NLRP8: variants seen among roughly 807,000 people sequenced by gnomAD.
NLRP8 encodes the protein NLR family pyrin domain containing 8.
In NLRP8, 86 loss-of-function variants were observed where a neutral mutation model predicts 88.7. The observed-to-expected ratio is 0.97, with a 90% CI of 0.81 to 1.16. The LOEUF is 1.16. Among genes scored for constraint, NLRP8 ranks in the 50% most tolerant of loss-of-function variants. The probability of loss-of-function intolerance (pLI) is 0.00; values close to 1 mark genes in which losing one functional copy is unlikely to be tolerated. For missense variants in NLRP8, 1,342 were observed against 1,286.5 expected, an observed-to-expected ratio of 1.04 and a Z score of -0.66; for synonymous variants, 504 against 494.6, an observed-to-expected ratio of 1.02 and a Z score of -0.25.
At chr19:55,959,559 C>T (rs1979524174) in intron 3 of NLRP8, among the ~76,000 whole-genome samples, 1 of 152,172 alleles carries the variant, frequency 6.6e-6, no homozygotes, top group Admixed American at 6.5e-5. Context: ...GATACTCACA[C>T]ATCACATCTC....
At chr19:55,970,732 T>C (rs1980040858) in intron 6 of NLRP8, 36 bp downstream of exon 6, 1 of 1,610,660 alleles carries the variant, frequency 6.2e-7, no homozygotes, top group Admixed American at 1.7e-5. Flanking sequence ...GTTGTGGTTG[T>C]GGTTGTGGTG....
At chr19:55,958,102 A>T (rs1979456608) in intron 3 of NLRP8, among the ~76,000 whole-genome samples, 2 of 152,092 alleles carry the variant, frequency 1.3e-5, no homozygotes, top group South Asian at 4.1e-4. Flanking sequence ...ACGAGCTAAA[A>T]TTTGACCCCC....
rs1491285893 is a variant in NLRP8 at position 55,988,444 on chromosome 19, G to GTGTA, written c.*532_*533insGTAT. 9.4e-6 allele frequency: 1 copy of GTGTA among 106,496 alleles called. No individual in the cohort carries two copies. Among genetic ancestry groups the GTGTA allele is most frequent in the African/African-American group, 3.8e-5 (1 of 26,494 alleles). The allele number at this position is 106,496 out of a possible 1,614,324, so 6.6% of individuals were successfully genotyped here. The stretch of plus-strand genomic sequence containing the variant: ...CACATAAATATATATATGTGTGTGT[G>GTGTA]TATATATATATATATATATATATAT... On this transcript the variant is annotated 3_prime_UTR_variant, in exon 10 of 10. Coordinates refer to ENST00000291971, the MANE Select transcript of NLRP8 (RefSeq NM_176811.2).
intron 6 of NLRP8, among the ~76,000 whole-genome samples, chr19:55,972,809 ATGTG>A (rs3055424): frequency 0.04 from 5,419 of 135,004 alleles, 197 homozygotes; most frequent in African/African-American, 0.097. Context: ...GTGTGTGTGT[ATGTG>A]TGTGTGTGTG....
At chr19:55,968,126 AT>A (rs1979922032) in intron 5 of NLRP8, among the ~76,000 whole-genome samples, 1 of 152,190 alleles carries the variant, frequency 6.6e-6, no homozygotes, top group African/African-American at 2.4e-5. Context: ...TCGTTTAATA[AT>A]TTTTTTAACC....
At chr19:55,978,463 G>T (rs1980440335) in intron 8 of NLRP8, among the ~76,000 whole-genome samples, 1 of 152,148 alleles carries the variant, frequency 6.6e-6, no homozygotes, top group African/African-American at 2.4e-5. Context: ...GGCTGCATCT[G>T]GTGAGAGCCT....
intron 3 of NLRP8, among the ~76,000 whole-genome samples, chr19:55,960,177 G>T (rs1308113631): frequency 6.6e-6 from 1 of 152,122 alleles, no homozygotes; most frequent in South Asian, 2.1e-4. Context: ...TGAGGGCACT[G>T]GCTCTGTCAG....
At chr19:55,974,971 C>T (rs900396238) in intron 7 of NLRP8, among the ~76,000 whole-genome samples, 3 of 151,960 alleles carry the variant, frequency 2.0e-5, no homozygotes, top group Admixed American at 1.3e-4. Context: ...AGTGTCTGTC[C>T]GAGATCACGG....
In NLRP8 at chr19:55,955,684, A is replaced by G. The variant is rs1161078833; in HGVS notation, c.1626A>G (p.Ile542Met). ...GCCACGTGAATATCCAGCGCCTGATAGCGAGTCCCAGAGGAAGCAAAAGCT... is the reference window on the plus strand; with the variant it reads ...GCCACGTGAATATCCAGCGCCTGATGGCGAGTCCCAGAGGAAGCAAAAGCT... The change falls in exon 3 of 10, where the codon ATA (isoleucine) becomes ATG (methionine). Residue 542 changes from isoleucine (I) to methionine (M), a missense_variant. Ile to Met is a conservative substitution (Grantham distance 10). Coordinates refer to ENST00000291971, the MANE Select transcript of NLRP8 (RefSeq NM_176811.2). 2.8e-5 allele frequency: 46 copies of G among 1,614,056 alleles called. No homozygotes were observed. Among genetic ancestry groups the G allele is most frequent in the Non-Finnish European group, 3.8e-5 (45 of 1,179,996 alleles).
chr19:55,980,589 G>T (rs1236075187), intron 9 of NLRP8, among the ~76,000 whole-genome samples: 1 of 152,144 alleles, frequency 6.6e-6, no homozygotes, highest in Non-Finnish European at 1.5e-5. Context: ...GTGGGCGGCG[G>T]GGGGGCCTCA....
chr19:55,958,108 C>T (rs1442401698), intron 3 of NLRP8, among the ~76,000 whole-genome samples: 1 of 152,110 alleles, frequency 6.6e-6, no homozygotes, highest in Non-Finnish European at 1.5e-5. Flanking sequence ...TAAAATTTGA[C>T]CCCCGTGGCT....
chr19:55,986,822 G>A (rs936989497), intron 9 of NLRP8, among the ~76,000 whole-genome samples: 8 of 152,136 alleles, frequency 5.3e-5, no homozygotes, highest in African/African-American at 1.9e-4. Context: ...TGTGAAGCTG[G>A]TGAGTATTCC....
intron 7 of NLRP8, among the ~76,000 whole-genome samples, chr19:55,975,470 C>G (rs763500943): frequency 6.6e-6 from 1 of 152,184 alleles, no homozygotes; most frequent in Non-Finnish European, 1.5e-5. Context: ...ACATGAAAAC[C>G]TGCACACAGT....
intron 3 of NLRP8, among the ~76,000 whole-genome samples, chr19:55,957,918 A>T (rs1416657578): frequency 6.6e-6 from 1 of 152,014 alleles, no homozygotes; most frequent in Non-Finnish European, 1.5e-5. Context: ...GGCAAAAAGC[A>T]CTGACTACTC....
At chr19:55,977,284 A>T (rs1012921634) in intron 8 of NLRP8, among the ~76,000 whole-genome samples, 2 of 145,808 alleles carry the variant, frequency 1.4e-5, no homozygotes, top group African/African-American at 5.0e-5. Context: ...GTACAGACAC[A>T]TATATACTTA....
At chr19:55,953,474 C>T (rs1979186570) in intron 2 of NLRP8, among the ~76,000 whole-genome samples, 1 of 149,432 alleles carries the variant, frequency 6.7e-6, no homozygotes, top group South Asian at 2.2e-4. Flanking sequence ...TAGAGTGTGT[C>T]TCTATTTCTT....
rs1335569866 is a variant in NLRP8 at position 55,973,360 on chromosome 19, G to A, written c.2535-292G>A. Among the ~76,000 whole-genome samples the A allele has an allele frequency of 2.0e-5, 3 of 152,068 alleles. No homozygotes were observed. In the East Asian group the frequency reaches 5.8e-4, roughly 29 times the overall value. ...TAGTCCTTTGTCAGATGTATAGATT[G>A]TAAAGATTTTCTCCCACTCTGTGGG... On this transcript the variant is annotated intron_variant, in intron 6 of 9. Coordinates refer to ENST00000291971, the MANE Select transcript of NLRP8 (RefSeq NM_176811.2).
intron 7 of NLRP8, among the ~76,000 whole-genome samples, chr19:55,974,545 G>A (rs1040802037): frequency 2.6e-5 from 4 of 151,970 alleles, no homozygotes; most frequent in African/African-American, 7.3e-5. Context: ...TCAGGAGATC[G>A]AGACCACAGT....
Position 55,954,780 on chromosome 19 carries a change from T to C in NLRP8, c.722T>C (p.Phe241Ser), listed in dbSNP as rs770228496. 12 of 1,614,180 alleles carry C rather than the reference T, an allele frequency of 7.4e-6. No homozygotes were observed. The highest frequency in any genetic ancestry group is 1.0e-5 in the Non-Finnish European group (12 of 1,180,034). ...TACGCCCACAAGCGCTGGTGTGCTT[T>C]CTACTTCCATTGCCAAGAGGTGAAC... is the stretch of plus-strand genomic sequence containing the variant. Residue 241 changes from phenylalanine to serine, a missense_variant, in exon 3 of 10, where the codon TTC becomes TCC. Coordinates refer to ENST00000291971, the MANE Select transcript of NLRP8 (RefSeq NM_176811.2).
Sources: allele counts gnomAD v4.1 joint callset (sites outside exome capture counted in the v4.1 genomes callset), GRCh38; gene constraint gnomAD v4.1.1; transcripts MANE v1.5; gene names NCBI Gene and HGNC (gene_info 2026-07-23, HGNC 2026-07-21).